The following LOC400499 variants were observed in gnomAD, a reference collection of about 807,000 sequenced individuals.
chr16:11,383,131 T>G, the LOC400499 span, among the ~76,000 whole-genome samples: 1 of 151,462 alleles, frequency 6.6e-6, no homozygotes, highest in African/African-American at 2.4e-5. Context: ...AGTGGTGCAG[T>G]CTCAGCTCAC....
the LOC400499 span, among the ~76,000 whole-genome samples, chr16:11,379,376 T>C: frequency 6.6e-6 from 1 of 152,254 alleles, no homozygotes; most frequent in Non-Finnish European, 1.5e-5. Context: ...CATTTATAAC[T>C]GTTACATCTT....
the LOC400499 span, among the ~76,000 whole-genome samples, chr16:11,500,043 C>T: frequency 6.6e-6 from 1 of 152,242 alleles, no homozygotes; most frequent in Non-Finnish European, 1.5e-5. Flanking sequence ...CCTCATCTCA[C>T]ACAGATTTCC....
At chr16:11,384,782 G>T in the LOC400499 span, 1 of 1,025,986 alleles carries the variant, frequency 9.7e-7, no homozygotes. Flanking sequence ...GAGGCCGGCA[G>T]AGGCTCTGCA....
chr16:11,436,172 A>G, the LOC400499 span, among the ~76,000 whole-genome samples: 1 of 152,202 alleles, frequency 6.6e-6, no homozygotes, highest in Non-Finnish European at 1.5e-5. Flanking sequence ...TGAAAGGGTC[A>G]CATATGCCAC....
the LOC400499 span, among the ~76,000 whole-genome samples, chr16:11,418,371 A>C: frequency 6.6e-6 from 1 of 152,306 alleles, no homozygotes; most frequent in East Asian, 1.9e-4. Flanking sequence ...CAGGTCATAA[A>C]GACCTTGCTG....
chr16:11,401,025 G>A, the LOC400499 span, among the ~76,000 whole-genome samples: 4 of 152,216 alleles, frequency 2.6e-5, no homozygotes, highest in African/African-American at 9.6e-5. Context: ...ACATTAAAAT[G>A]TGAGCTATCT....
chr16:11,380,091 C>T, the LOC400499 span, among the ~76,000 whole-genome samples: 2 of 152,192 alleles, frequency 1.3e-5, no homozygotes, highest in African/African-American at 4.8e-5. Context: ...ACTACAAGTG[C>T]ATGCCACCAC....
chr16:11,519,781 C>G, the LOC400499 span, among the ~76,000 whole-genome samples: 1 of 151,542 alleles, frequency 6.6e-6, no homozygotes, highest in East Asian at 1.9e-4. Flanking sequence ...TCTTGGCTCA[C>G]AGCAACCTCC....
At chr16:11,516,115 T>G in the LOC400499 span, 1 of 399,684 alleles carries the variant, frequency 2.5e-6, no homozygotes. Flanking sequence ...CTCTACCCCC[T>G]ACCCCCTTCC....
At chr16:11,449,094 G>A in the LOC400499 span, 308 of 1,455,360 alleles carry the variant, frequency 2.1e-4, no homozygotes, top group Non-Finnish European at 2.7e-4. Flanking sequence ...TGCCAAGACT[G>A]TCACTGTGGA....
chr16:11,500,903 G>A, the LOC400499 span: 40 of 399,118 alleles, frequency 1.0e-4, no homozygotes, highest in African/African-American at 7.0e-4. Context: ...CTGATGCGAT[G>A]AGTTCCTTCA....
the LOC400499 span, chr16:11,387,296 C>T: frequency 8.1e-7 from 1 of 1,232,254 alleles, no homozygotes; most frequent in Non-Finnish European, 1.0e-6. Context: ...TGAGCGGTTC[C>T]TGCAGGGAAT....
chr16:11,468,233 T>C, the LOC400499 span, among the ~76,000 whole-genome samples: 2 of 152,226 alleles, frequency 1.3e-5, no homozygotes, highest in East Asian at 3.8e-4. Context: ...CTCTGGGAAA[T>C]GAACACAGAT....
chr16:11,493,426 C>A, the LOC400499 span, among the ~76,000 whole-genome samples: 2 of 152,178 alleles, frequency 1.3e-5, no homozygotes, highest in African/African-American at 4.8e-5. Context: ...GCACAGATGG[C>A]ACTGGTAATC....
At chr16:11,372,680 T>G in the LOC400499 span, 2 of 893,624 alleles carry the variant, frequency 2.2e-6, no homozygotes, top group East Asian at 1.2e-4. Context: ...GGAATTGCAG[T>G]AGAAGGTGAA....
chr16:11,385,463 C>T, the LOC400499 span: 7 of 1,190,964 alleles, frequency 5.9e-6, no homozygotes, highest in African/African-American at 1.1e-4. Context: ...CCAGCTCCAC[C>T]CACCGCAGTA....
chr16:11,522,874 C>A, the LOC400499 span, among the ~76,000 whole-genome samples: 1 of 152,064 alleles, frequency 6.6e-6, no homozygotes, highest in East Asian at 1.9e-4. Context: ...TGGGGAAGAG[C>A]TGATTTAGGG....
chr16:11,494,201 G>A, the LOC400499 span, among the ~76,000 whole-genome samples: 1 of 146,898 alleles, frequency 6.8e-6, no homozygotes, highest in Non-Finnish European at 1.5e-5. Flanking sequence ...GGGGTGGGCT[G>A]TGAAGGGCAT....
the LOC400499 span, chr16:11,449,117 G>C: frequency 5.5e-6 from 8 of 1,441,684 alleles, no homozygotes; most frequent in South Asian, 1.3e-5. Flanking sequence ...CCTGCAATGA[G>C]GTGAGGAGGG....
Sources: gnomAD v4.1 joint callset for allele counts (sites outside exome capture counted in the v4.1 genomes callset) on GRCh38, gnomAD v4.1.1 for gene constraint, MANE v1.5 for transcripts.